BRINP3: variants seen among roughly 807,000 people sequenced by gnomAD.
BRINP3 encodes the protein BMP/retinoic acid inducible neural specific 3.
Under a neutral mutation model 71.0 loss-of-function variants are expected in BRINP3, and 19 were observed. The observed-to-expected ratio is 0.27, with a 90% CI of 0.19 to 0.39. BRINP3 has a LOEUF of 0.39. Ranked by LOEUF, BRINP3 falls within the 10% of genes least tolerant of loss-of-function variation. The pLI is 1.00. For synonymous variants in BRINP3, 380 were observed against 337.7 expected, an observed-to-expected ratio of 1.13 and a Z score of -1.37; for missense variants, 959 against 940.8, an observed-to-expected ratio of 1.02 and a Z score of -0.25.
rs536317958 is a variant in BRINP3 at position 190,477,579 on chromosome 1, T to C, written c.-182A>G. ...AGTAGGACTTTAAAATAATCAGCAGTTCCTGGTGGCATGTAACCAAGTAAA... is the reference window on the plus strand; with the variant it reads ...AGTAGGACTTTAAAATAATCAGCAGCTCCTGGTGGCATGTAACCAAGTAAA... On this transcript the variant is annotated 5_prime_UTR_variant, in exon 1 of 8. Coordinates refer to ENST00000367462, the MANE Select transcript of BRINP3 (RefSeq NM_199051.3). The C allele has an allele frequency of 3.3e-5, 5 of 152,082 alleles. No homozygotes were observed. Among genetic ancestry groups the C allele is most frequent in the Non-Finnish European group, 5.9e-5 (4 of 67,984 alleles). The allele number at this position is 152,082 out of a possible 1,614,324, so 9.4% of individuals were successfully genotyped here. A position where few individuals can be genotyped will look rare whatever the true frequency, so the allele number is the denominator to read the frequency against.
chr1:190,446,481 A>G (rs1675226862), intron 2 of BRINP3, among the ~76,000 whole-genome samples: 2 of 152,118 alleles, frequency 1.3e-5, no homozygotes. Context: ...ATAAGTAATT[A>G]CACAATTTAT....
At chr1:190,459,913 T>A (rs1676269215) in intron 1 of BRINP3, among the ~76,000 whole-genome samples, 1 of 152,054 alleles carries the variant, frequency 6.6e-6, no homozygotes, top group Non-Finnish European at 1.5e-5. Flanking sequence ...CTTTTTTTTC[T>A]ACCATATTAT....
chr1:190,360,992 G>A (rs1669107856), intron 2 of BRINP3, among the ~76,000 whole-genome samples: 1 of 152,104 alleles, frequency 6.6e-6, no homozygotes, highest in Admixed American at 6.6e-5. Flanking sequence ...TATTTGTTCA[G>A]TATGTGGGAA....
intron 2 of BRINP3, among the ~76,000 whole-genome samples, chr1:190,321,115 C>T (rs1006415346): frequency 4.0e-5 from 6 of 151,760 alleles, no homozygotes; most frequent in South Asian, 2.1e-4. Context: ...AGGGGCAGGG[C>T]CAGACTAGTT....
chr1:190,365,806 G>GTGTATATATATATATATATATA (rs913644308), intron 2 of BRINP3, among the ~76,000 whole-genome samples: 1 of 127,876 alleles, frequency 7.8e-6, no homozygotes, highest in African/African-American at 2.9e-5. Flanking sequence ...GAGAGCAAGT[G>GTGTATATATATATATATATATA]TATATATATA....
chr1:190,427,015 C>G (rs957968946), intron 2 of BRINP3, among the ~76,000 whole-genome samples: 1 of 151,784 alleles, frequency 6.6e-6, no homozygotes, highest in Non-Finnish European at 1.5e-5. Context: ...ACTCTCTTAT[C>G]TTTACACTTC....
At chr1:190,145,039 G>T (rs189375175) in intron 7 of BRINP3, among the ~76,000 whole-genome samples, 97 of 151,758 alleles carry the variant, frequency 6.4e-4, no homozygotes, top group Admixed American at 1.1e-3. Context: ...TTCTTTTCTG[G>T]CTTATTTTTT....
Position 190,160,747 on chromosome 1 carries a change from C to T in BRINP3, c.1105G>A (p.Ala369Thr). Residue 369 changes from alanine (A) to threonine (T), a missense_variant, in exon 7 of 8, where the codon GCG becomes ACG. Coordinates refer to ENST00000367462, the MANE Select transcript of BRINP3 (RefSeq NM_199051.3). The part of the protein sequence containing the change: ...ENSMKQLFLK[A>T]QKIVHKLFSL... ...AAAAGCTTGTGTACAATTTTCTGCG[C>T]CTTTAGGAAAAGTTGTTTCATGCTG... is the stretch of plus-strand genomic sequence containing the variant. The T allele has an allele frequency of 6.2e-7, 1 of 1,613,512 alleles. No homozygotes were observed. The highest frequency in any genetic ancestry group is 8.5e-7 in the Non-Finnish European group (1 of 1,179,684).
At chr1:190,185,134 A>C (rs770874873) in intron 6 of BRINP3, among the ~76,000 whole-genome samples, 4 of 152,174 alleles carry the variant, frequency 2.6e-5, no homozygotes, top group African/African-American at 4.8e-5. Context: ...CAGCTTTTGC[A>C]CAGCAAAGGA....
intron 4 of BRINP3, among the ~76,000 whole-genome samples, chr1:190,254,640 C>T (rs1048368572): frequency 6.6e-6 from 1 of 152,266 alleles, no homozygotes; most frequent in Non-Finnish European, 1.5e-5. Flanking sequence ...TGAGACTTTG[C>T]TGAAGTTGCT....
chr1:190,286,054 T>G (rs1043483026), intron 2 of BRINP3, among the ~76,000 whole-genome samples: 1 of 152,154 alleles, frequency 6.6e-6, no homozygotes, highest in South Asian at 2.1e-4. Context: ...ACTCAGTCCT[T>G]TTCAAGACAC....
At chr1:190,296,233 TA>T (rs199860856) in intron 2 of BRINP3, among the ~76,000 whole-genome samples, 9 of 123,202 alleles carry the variant, frequency 7.3e-5, no homozygotes, top group Admixed American at 1.8e-4. Flanking sequence ...CATTAAAAAT[TA>T]AAAAAAAACA....
At chr1:190,157,631 A>C (rs1254022852) in intron 7 of BRINP3, among the ~76,000 whole-genome samples, 1 of 152,250 alleles carries the variant, frequency 6.6e-6, no homozygotes, top group East Asian at 1.9e-4. Context: ...ACCTACATAT[A>C]TAAAGCATAA....
intron 6 of BRINP3, among the ~76,000 whole-genome samples, chr1:190,187,482 G>A (rs1352192694): frequency 1.3e-5 from 2 of 151,902 alleles, no homozygotes; most frequent in Non-Finnish European, 2.9e-5. Context: ...GGTATTTTCT[G>A]TGTTTTCTCC....
rs762938571 is a variant in BRINP3 at position 190,401,376 on chromosome 1, CAA to C, written c.236+53277_236+53278del. Reference sequence around the variant, plus strand: ...CCAGGCACCAGTCCCCATCTCAAAACAAAAAAAAAAAAAAAAAAAAAGGAAAA... The same window carrying C: ...CCAGGCACCAGTCCCCATCTCAAAACAAAAAAAAAAAAAAAAAAAGGAAAA... On this transcript the variant is annotated intron_variant, in intron 2 of 7. Transcript: ENST00000367462. 2.8e-3 allele frequency among the ~76,000 whole-genome samples: 252 copies of C among 89,338 alleles called. 2 individuals carry two copies. The highest frequency in any genetic ancestry group is 0.022 in the South Asian group (56 of 2,496). 58.6% of individuals were successfully genotyped at this position (89,338 alleles called of 152,430 possible).
intron 3 of BRINP3, among the ~76,000 whole-genome samples, chr1:190,281,031 A>C (rs1662997287): frequency 1.3e-5 from 2 of 151,910 alleles, no homozygotes. Flanking sequence ...AAATGTATAC[A>C]TTTACATATA....
chr1:190,239,188 T>G (rs1658818351), intron 4 of BRINP3, among the ~76,000 whole-genome samples: 1 of 152,114 alleles, frequency 6.6e-6, no homozygotes, highest in African/African-American at 2.4e-5. Flanking sequence ...GGGGATTACA[T>G]TTTGAGATGA....
intron 2 of BRINP3, among the ~76,000 whole-genome samples, chr1:190,387,410 T>C (rs1670981561): frequency 6.6e-6 from 1 of 151,916 alleles, no homozygotes; most frequent in South Asian, 2.1e-4. Flanking sequence ...AGAGTTATAG[T>C]GTGTTTATCA....
At chr1:190,124,112 A>G (rs573664567) in intron 7 of BRINP3, among the ~76,000 whole-genome samples, 3 of 152,304 alleles carry the variant, frequency 2.0e-5, no homozygotes, top group Non-Finnish European at 4.4e-5. Context: ...CAGTGTTGGG[A>G]GATGAGATGA....
Sources: allele counts gnomAD v4.1 joint callset (sites outside exome capture counted in the v4.1 genomes callset), GRCh38; gene constraint gnomAD v4.1.1; transcripts MANE v1.5; gene names NCBI Gene and HGNC (gene_info 2026-07-23, HGNC 2026-07-21).